NFATC1: variants seen among roughly 807,000 people sequenced by gnomAD.
NFATC1 encodes nuclear factor of activated T cells 1.
NFATC1 carries 22 observed loss-of-function variants against 76.0 expected under a neutral mutation model. That is an observed-to-expected ratio of 0.29 (90% confidence interval 0.21 to 0.41). NFATC1 has a LOEUF of 0.41. Ranked by LOEUF, NFATC1 falls within the 10% of genes least tolerant of loss-of-function variation. The pLI is 1.00. For missense variants in NFATC1, 1,357 were observed against 1,337.7 expected (o/e 1.01, Z -0.23); for synonymous variants, 704 against 613.1 (o/e 1.15, Z -2.19).
rs979711086 is a variant in NFATC1, at chr18:79,486,868, A to T, written c.2713A>T (p.Asn905Tyr). Residue 905 changes from asparagine to tyrosine, a missense_variant, in exon 9 of 10, where the codon AAT becomes TAT. This residue lies in a region of NFATC1 where 424 missense variants were observed against 395.4 expected (regional missense o/e 1.07). Transcript: ENST00000427363. ...LPEVHEDGSP[N>Y]LAPIPVTVKR... ...AGAGGTGCATGAGGACGGTAGTCCT[A>T]ATTTGGCCCCTATTCCTGTAACGGT... The T allele has an allele frequency of 6.2e-7, 1 of 1,611,472 alleles. No individual in the cohort carries two copies. The highest frequency in any genetic ancestry group is 1.3e-5 in the African/African-American group (1 of 74,874).
intron 7 of NFATC1, among the ~76,000 whole-genome samples, chr18:79,464,143 G>A (rs952194809): frequency 6.6e-6 from 1 of 152,208 alleles, no homozygotes; most frequent in Non-Finnish European, 1.5e-5. Context: ...AGATTGGAGT[G>A]CAGTGGCTCG....
rs1293648777 is a variant in NFATC1, at chr18:79,524,012, G to A, written c.2783-3516G>A. On this transcript the variant is annotated intron_variant, in intron 9 of 9. Transcript: ENST00000427363. This position sits in a 1 kb window ranked among gnomAD's most constrained non-coding sequence, Gnocchi z 7.2. ...CTGTGGAAAAGCTGAATAAGAAGAT[G>A]GAAATTATCAGCAGAGAGAGCTGGT... The A allele has an allele frequency of 6.6e-6, 1 of 152,242 alleles. No individual in the cohort carries two copies. The highest frequency in any genetic ancestry group is 2.4e-5 in the African/African-American group (1 of 41,462). The allele number at this position is 152,242 out of a possible 1,614,324, so 9.4% of individuals were successfully genotyped here.
Position 79,513,402 on chromosome 18 carries a change from G to A in NFATC1, c.2783-14126G>A, listed in dbSNP as rs563961358. Among the ~76,000 whole-genome samples the A allele has an allele frequency of 7.9e-5, 12 of 152,220 alleles. No individual in the cohort carries two copies. In the South Asian group the frequency reaches 8.3e-4, roughly 11 times the overall value. Reference sequence around the variant, plus strand: ...CTTTCCCTTTTCTGCTCTTCCACCCGCCTCCCACCCACCTTCCCAGATACC... The same window carrying A: ...CTTTCCCTTTTCTGCTCTTCCACCCACCTCCCACCCACCTTCCCAGATACC... On this transcript the variant is annotated intron_variant, in intron 9 of 9. Transcript: ENST00000427363.
At chr18:79,402,403 G>A (rs986814352) in intron 1 of NFATC1, 25 of 985,162 alleles carry the variant, frequency 2.5e-5, no homozygotes, top group South Asian at 4.7e-5. Context: ...AGTCCTCCCC[G>A]GCACCCACCG....
chr18:79,495,598 A>G (rs959231579), intron 9 of NFATC1, among the ~76,000 whole-genome samples: 4 of 152,228 alleles, frequency 2.6e-5, no homozygotes, highest in South Asian at 2.1e-4. Context: ...AGCTTGGGCA[A>G]TGAGCACTGT....
At chr18:79,436,866 C>G (rs2086797798) in intron 3 of NFATC1, among the ~76,000 whole-genome samples, 3 of 152,092 alleles carry the variant, frequency 2.0e-5, no homozygotes, top group African/African-American at 7.2e-5. Flanking sequence ...GAGCGTGCCC[C>G]CTGCCGTCTC....
At chr18:79,463,215 C>G (rs1193786779) in intron 7 of NFATC1, among the ~76,000 whole-genome samples, 4 of 152,190 alleles carry the variant, frequency 2.6e-5, no homozygotes, top group Admixed American at 2.6e-4. Context: ...TCCTGGCACT[C>G]ACAGGGTTCC....
chr18:79,456,557 C>G (rs914966180), intron 6 of NFATC1, among the ~76,000 whole-genome samples: 5 of 152,212 alleles, frequency 3.3e-5, no homozygotes, highest in African/African-American at 1.2e-4. Context: ...CCTTGTTTTC[C>G]TAGGGTCTGG....
chr18:79,443,295 G>T (rs755459785), intron 3 of NFATC1, among the ~76,000 whole-genome samples: 1 of 152,188 alleles, frequency 6.6e-6, no homozygotes, highest in Non-Finnish European at 1.5e-5. Flanking sequence ...ACACCTGCAC[G>T]CACTGTCACA....
At chr18:79,425,279 G>GTCTCTGTCTCTCTGTTTC (rs1349169500) in intron 2 of NFATC1, among the ~76,000 whole-genome samples, 6 of 63,644 alleles carry the variant, frequency 9.4e-5, no homozygotes, top group Admixed American at 1.4e-4. Context: ...CTCTCTCTCT[G>GTCTCTGTCTCTCTGTTTC]TCTGTCTTTC....
intron 8 of NFATC1, chr18:79,469,891 G>A (rs1422845193): frequency 5.1e-6 from 5 of 985,342 alleles, no homozygotes; most frequent in Non-Finnish European, 6.0e-6. Flanking sequence ...ACCTGCACCA[G>A]ACTGTGAGCC....
At chr18:79,485,695 C>T (rs907423224) in intron 8 of NFATC1, among the ~76,000 whole-genome samples, 2 of 152,250 alleles carry the variant, frequency 1.3e-5, no homozygotes, top group Admixed American at 1.3e-4. Context: ...TCCACACAGC[C>T]TGTCCCTTTA....
intron 9 of NFATC1, among the ~76,000 whole-genome samples, chr18:79,520,767 C>G (rs2090516970): frequency 1.4e-5 from 1 of 70,072 alleles, no homozygotes; most frequent in Non-Finnish European, 2.5e-5. Flanking sequence ...AGGGGAGCAT[C>G]CACTGATGTG....
At chr18:79,430,080 C>T (rs947026830) in intron 2 of NFATC1, among the ~76,000 whole-genome samples, 3 of 152,230 alleles carry the variant, frequency 2.0e-5, no homozygotes, top group Non-Finnish European at 2.9e-5. Flanking sequence ...CACACCGAGT[C>T]GGTTCACACG....
intron 8 of NFATC1, among the ~76,000 whole-genome samples, chr18:79,480,456 G>A (rs755150617): frequency 7.2e-5 from 11 of 152,228 alleles, no homozygotes; most frequent in African/African-American, 2.2e-4. Context: ...CAAGCAGCCC[G>A]TGCGTCCCGA....
At chr18:79,513,464 G>A (rs1046076002) in intron 9 of NFATC1, among the ~76,000 whole-genome samples, 6 of 152,222 alleles carry the variant, frequency 3.9e-5, no homozygotes, top group Non-Finnish European at 7.3e-5. Flanking sequence ...ACTCTGGGCT[G>A]TCCCCAAACC....
rs1569016843 is a variant in NFATC1, at chr18:79,482,839, C to CGTGACCTGGTCCTGGGGTGTAATTCCAGT, written c.2093-3381_2093-3380insTGTGACCTGGTCCTGGGGTGTAATTCCAG. Among the ~76,000 whole-genome samples the CGTGACCTGGTCCTGGGGTGTAATTCCAGT allele has an allele frequency of 4.7e-3, 582 of 124,004 alleles. 17 individuals carry two copies. Among genetic ancestry groups the CGTGACCTGGTCCTGGGGTGTAATTCCAGT allele is most frequent in the African/African-American group, 0.017 (552 of 31,784 alleles). 81.4% of individuals were successfully genotyped at this position (124,004 alleles called of 152,430 possible). ...ACCTGGTCCGGGGGTGTAATTCCAG[C>CGTGACCTGGTCCTGGGGTGTAATTCCAGT]GTGACCTGGTCCTGGGGTGTAATTC... is the stretch of plus-strand genomic sequence containing the variant. On this transcript the variant is annotated intron_variant, in intron 8 of 9. Coordinates refer to ENST00000427363, the MANE Select transcript of NFATC1 (RefSeq NM_001278669.2).
At chr18:79,424,132 G>A (rs887260157) in intron 2 of NFATC1, among the ~76,000 whole-genome samples, 1 of 152,252 alleles carries the variant, frequency 6.6e-6, no homozygotes. Flanking sequence ...CTGTGGGAGG[G>A]TGAAGGCTGC....
At chr18:79,420,362 C>T (rs1019802889) in intron 2 of NFATC1, among the ~76,000 whole-genome samples, 6 of 136,176 alleles carry the variant, frequency 4.4e-5, no homozygotes, top group African/African-American at 8.7e-5. Context: ...TTCCAGGTGA[C>T]GTCGCTGCAG....
Sources: allele counts gnomAD v4.1 joint callset (sites outside exome capture counted in the v4.1 genomes callset), GRCh38; gene constraint gnomAD v4.1.1; regional missense constraint gnomAD v4.1.1; non-coding constraint Gnocchi (gnomAD v3.1); transcripts MANE v1.5; gene names NCBI Gene and HGNC (gene_info 2026-07-23, HGNC 2026-07-21).